PRH1: variants seen among roughly 807,000 people sequenced by gnomAD.
The protein encoded by PRH1 is proline rich protein HaeIII subfamily 1.
A neutral mutation model predicts 7.9 loss-of-function variants in PRH1; 7 were observed. The observed-to-expected ratio is 0.89, with a 90% CI of 0.50 to 1.67. The LOEUF (loss-of-function observed/expected upper bound fraction) is 1.67, where lower values mean the gene tolerates loss of function less well. PRH1 is among the 40% of genes most tolerant of loss of function. PRH1 has a pLI of 0.00. For synonymous variants in PRH1, 45 were observed against 80.8 expected (o/e 0.56, Z 2.38); for missense variants, 109 against 223.6 (o/e 0.49, Z 3.27).
intron 1 of PRH1, among the ~76,000 whole-genome samples, chr12:11,057,644 T>A (rs1224637803): frequency 6.6e-6 from 1 of 152,208 alleles, no homozygotes; most frequent in African/African-American, 2.4e-5. Flanking sequence ...ACTTAACCTA[T>A]CTGGCCTCTA....
chr12:11,035,424 C>T (rs1334626648), intron 1 of PRH1, among the ~76,000 whole-genome samples: 1 of 152,098 alleles, frequency 6.6e-6, no homozygotes, highest in Non-Finnish European at 1.5e-5. Flanking sequence ...TGGTTTTTAA[C>T]TCTATTGGAT....
chr12:10,906,186 G>A (rs1565462233), intron 2 of PRH1, among the ~76,000 whole-genome samples: 1 of 152,120 alleles, frequency 6.6e-6, no homozygotes, highest in Non-Finnish European at 1.5e-5. Context: ...AAATGCATGT[G>A]GTATCACCAA....
intron 1 of PRH1, among the ~76,000 whole-genome samples, chr12:11,046,352 C>T (rs1942897292): frequency 1.3e-5 from 2 of 152,130 alleles, no homozygotes; most frequent in African/African-American, 4.8e-5. Flanking sequence ...CTGCCCTATA[C>T]ATGCATGGTA....
At chr12:10,938,467 A>G (rs150159794) in intron 2 of PRH1, 99 of 1,613,988 alleles carry the variant, frequency 6.1e-5, no homozygotes, top group Non-Finnish European at 7.7e-5. Flanking sequence ...CTGATATGAA[A>G]AAAGACAGAG....
chr12:11,056,567 C>G (rs912137906), intron 1 of PRH1, among the ~76,000 whole-genome samples: 2 of 152,118 alleles, frequency 1.3e-5, no homozygotes, highest in Non-Finnish European at 2.9e-5. Flanking sequence ...CCGTGGCTCC[C>G]AGCAATTTGG....
intron 1 of PRH1, among the ~76,000 whole-genome samples, chr12:11,029,492 T>A (rs2900584): frequency 6.6e-6 from 1 of 152,258 alleles, no homozygotes; most frequent in African/African-American, 2.4e-5. Flanking sequence ...AGGAATTTCA[T>A]AAATGGAAGG....
At chr12:10,997,548 T>C (rs1441153952) in intron 1 of PRH1, 1 of 1,614,074 alleles carries the variant, frequency 6.2e-7, no homozygotes, top group African/African-American at 1.3e-5. Flanking sequence ...AAATTGACGA[T>C]CTTGAGCAAA....
chr12:11,031,261 G>A, intron 1 of PRH1: 1 of 1,614,030 alleles, frequency 6.2e-7, no homozygotes. Flanking sequence ...ATGCTATGAA[G>A]CCATTAGCAA....
At chr12:11,161,868 A>C (rs1236793709) in intron 1 of PRH1, among the ~76,000 whole-genome samples, 1 of 152,256 alleles carries the variant, frequency 6.6e-6, no homozygotes, top group Non-Finnish European at 1.5e-5. Flanking sequence ...TTATTTATAC[A>C]GACATGAAAC....
At chr12:11,041,272 C>G (rs1178144981) in intron 1 of PRH1, among the ~76,000 whole-genome samples, 5 of 128,308 alleles carry the variant, frequency 3.9e-5, no homozygotes, top group African/African-American at 1.5e-4. Flanking sequence ...AAAAGATATT[C>G]CATGTCAATG....
chr12:10,953,757 A>C (rs186699913), intron 2 of PRH1, among the ~76,000 whole-genome samples: 1 of 152,330 alleles, frequency 6.6e-6, no homozygotes, highest in East Asian at 1.9e-4. Context: ...CAGGAAATGC[A>C]GAGAACCCCT....
At chr12:11,092,049 C>T (rs1268139504) in intron 1 of PRH1, 1 of 1,527,364 alleles carries the variant, frequency 6.5e-7, no homozygotes. Context: ...AATAATAATA[C>T]CCAGAGCAAA....
chr12:10,960,302 C>T (rs1007265827), intron 2 of PRH1, among the ~76,000 whole-genome samples: 1 of 152,184 alleles, frequency 6.6e-6, no homozygotes, highest in Admixed American at 6.5e-5. Context: ...AGCTTAAGTC[C>T]TCTTGATAAT....
At chr12:10,920,773 G>A (rs1022796632) in intron 2 of PRH1, among the ~76,000 whole-genome samples, 4 of 151,872 alleles carry the variant, frequency 2.6e-5, no homozygotes, top group Non-Finnish European at 1.5e-5. Flanking sequence ...ATGACCTAAC[G>A]AAATTGTCAA....
chr12:11,070,112 G>A (rs1943998731), intron 1 of PRH1, among the ~76,000 whole-genome samples: 1 of 152,142 alleles, frequency 6.6e-6, no homozygotes, highest in South Asian at 2.1e-4. Context: ...TGCCCTGGCA[G>A]TTGACACCCT....
intron 1 of PRH1, among the ~76,000 whole-genome samples, chr12:11,057,934 A>T (rs768775907): frequency 6.6e-6 from 1 of 152,246 alleles, no homozygotes; most frequent in Admixed American, 6.5e-5. Context: ...TTTTAAAAAC[A>T]TCATGCTAAT....
At chr12:10,890,843 T>C (rs1401087676) in intron 2 of PRH1, among the ~76,000 whole-genome samples, 1 of 151,672 alleles carries the variant, frequency 6.6e-6, no homozygotes, top group Admixed American at 6.6e-5. Context: ...GTTGGCTTTT[T>C]TTTTTTCCTC....
At chr12:10,978,488 G>C (rs1406672099) in intron 1 of PRH1, among the ~76,000 whole-genome samples, 1 of 152,084 alleles carries the variant, frequency 6.6e-6, no homozygotes, top group Non-Finnish European at 1.5e-5. Flanking sequence ...AATAACCTAG[G>C]AAATACCTTT....
intron 2 of PRH1, among the ~76,000 whole-genome samples, chr12:10,914,753 C>T (rs1483853362): frequency 6.6e-6 from 1 of 152,156 alleles, no homozygotes; most frequent in Non-Finnish European, 1.5e-5. Context: ...AAAGAAGAGT[C>T]TAGAAACTTG....
Sources: allele counts gnomAD v4.1 joint callset (sites outside exome capture counted in the v4.1 genomes callset), GRCh38; gene constraint gnomAD v4.1.1; transcripts MANE v1.5; gene names NCBI Gene and HGNC (gene_info 2026-07-23, HGNC 2026-07-21).